Variants in MCTP2 observed in about 807,000 individuals in gnomAD.
The protein encoded by MCTP2 is multiple C2 and transmembrane domain-containing protein 2.
A neutral mutation model predicts 111.6 loss-of-function variants in MCTP2; 132 were observed. The observed-to-expected ratio is 1.18, with a 90% confidence interval of 1.03 to 1.37. The LOEUF (loss-of-function observed/expected upper bound fraction) is 1.37, where lower values mean the gene tolerates loss of function less well. Ranked by LOEUF, MCTP2 falls within the 40% of genes most tolerant of loss-of-function variation. The pLI, the probability that MCTP2 is intolerant of heterozygous loss-of-function variation, is 0.00. For missense variants in MCTP2, 1,183 were observed against 1,067.9 expected, an observed-to-expected ratio of 1.11 and a Z score of -1.50; for synonymous variants, 395 against 387.7, an observed-to-expected ratio of 1.02 and a Z score of -0.22.
At chr15:94,344,499 A>G (rs1172341005) in intron 7 of MCTP2, among the ~76,000 whole-genome samples, 2 of 152,190 alleles carry the variant, frequency 1.3e-5, no homozygotes, top group Non-Finnish European at 2.9e-5. Flanking sequence ...CTTGGAGAGA[A>G]TTTGTAGACC....
At chr15:94,403,484 TGAG>T (rs1391259566) in intron 17 of MCTP2, among the ~76,000 whole-genome samples, 1 of 152,252 alleles carries the variant, frequency 6.6e-6, no homozygotes, top group Non-Finnish European at 1.5e-5. Flanking sequence ...ACAGCCACTG[TGAG>T]GAGGAGAGGA....
intron 4 of MCTP2, among the ~76,000 whole-genome samples, chr15:94,336,676 C>CATATATATATAT (rs10644556): frequency 1.4e-5 from 2 of 146,666 alleles, no homozygotes; most frequent in African/African-American, 5.0e-5. Context: ...TTTTGCTTAG[C>CATATATATATAT]ATATATATAT....
At chr15:94,346,669 C>T (rs1398609571) in intron 8 of MCTP2, among the ~76,000 whole-genome samples, 1 of 152,152 alleles carries the variant, frequency 6.6e-6, no homozygotes, top group Admixed American at 6.5e-5. Context: ...TGTGGAAGAG[C>T]ACTGGCAGTT....
At chr15:94,329,478 A>T (rs903096169) in intron 4 of MCTP2, among the ~76,000 whole-genome samples, 3 of 152,184 alleles carry the variant, frequency 2.0e-5, no homozygotes, top group African/African-American at 7.2e-5. Flanking sequence ...GCTTAGAATC[A>T]TGGCTTCCAG....
Position 94,398,999 on chromosome 15 carries a change from TA to T in MCTP2, c.1830del (p.Asp611IlefsTer2). 6.4e-7 allele frequency: 1 copy of T among 1,565,232 alleles called. No individual in the cohort carries two copies. The highest frequency in any genetic ancestry group is 8.8e-7 in the Non-Finnish European group (1 of 1,136,038). ...AACCGAATTGTTATGTACTAAAGAA[TA>T]AAGATTTAGAACAAGCTTTTAAAGG... Reference protein sequence around the residue: ...GQPNCYVLKNKDLEQAFKGVI... With the variant: ...GQPNCYVLKNXDLEQAFKGVI... On this transcript the variant is annotated frameshift_variant, in exon 15 of 23. Coordinates refer to ENST00000357742, the MANE Select transcript of MCTP2 (RefSeq NM_001385001.1). LOFTEE classifies it high-confidence loss of function.
intron 7 of MCTP2, among the ~76,000 whole-genome samples, chr15:94,344,251 AT>A: frequency 6.6e-6 from 1 of 152,312 alleles, no homozygotes; most frequent in East Asian, 1.9e-4. Context: ...TCCCCTGAAG[AT>A]TATTAATTTT....
At chr15:94,297,275 C>T (rs1430926088) in intron 1 of MCTP2, among the ~76,000 whole-genome samples, 2 of 152,194 alleles carry the variant, frequency 1.3e-5, no homozygotes, top group African/African-American at 4.8e-5. Context: ...CTTTCCTCCA[C>T]AGCATTTACC....
intron 4 of MCTP2, among the ~76,000 whole-genome samples, chr15:94,334,253 A>G (rs1019055593): frequency 2.0e-5 from 3 of 152,252 alleles, no homozygotes; most frequent in Admixed American, 2.0e-4. Context: ...ATATTACGGC[A>G]TAAGGAAGCT....
At chr15:94,453,900 G>A (rs1366950813) in intron 19 of MCTP2, among the ~76,000 whole-genome samples, 8 of 152,078 alleles carry the variant, frequency 5.3e-5, no homozygotes, top group Non-Finnish European at 8.8e-5. Context: ...TTATTTTAAT[G>A]CATACAGCTA....
intron 12 of MCTP2, among the ~76,000 whole-genome samples, chr15:94,373,776 GT>G (rs2079608840): frequency 6.6e-6 from 1 of 152,156 alleles, no homozygotes; most frequent in Non-Finnish European, 1.5e-5. Flanking sequence ...CCTGTCAAAT[GT>G]TTTTTAAAGA....
intron 14 of MCTP2, among the ~76,000 whole-genome samples, chr15:94,394,646 T>C (rs2081187777): frequency 6.6e-6 from 1 of 151,948 alleles, no homozygotes; most frequent in Non-Finnish European, 1.5e-5. Flanking sequence ...GTGCCTGTAG[T>C]CCTAGCTACT....
chr15:94,437,334 AAAAG>A (rs1210194497), intron 17 of MCTP2, among the ~76,000 whole-genome samples: 4 of 152,002 alleles, frequency 2.6e-5, no homozygotes, highest in East Asian at 1.9e-4. Context: ...GAATATATAA[AAAAG>A]AAAGAATGTG....
intron 1 of MCTP2, among the ~76,000 whole-genome samples, chr15:94,240,831 C>T (rs771700905): frequency 5.9e-5 from 9 of 152,126 alleles, no homozygotes; most frequent in African/African-American, 9.7e-5. Context: ...CCTAAGTGTT[C>T]ATGTGAGAAC....
chr15:94,402,085 A>G lies in MCTP2; in HGVS notation c.2085+66A>G, dbSNP rs1267643870. 1.3e-5 allele frequency: 21 copies of G among 1,573,792 alleles called. No homozygotes were observed. The Admixed American group carries it at 3.3e-4, about 25-fold the overall frequency. On this transcript the variant is annotated intron_variant, in intron 17 of 22. Transcript: ENST00000357742. Reference sequence around the variant, plus strand: ...TTGCATCTATTCATCTTTCTGAAATATATTACAGCGTAGGTGATTACGTGG... The same window carrying G: ...TTGCATCTATTCATCTTTCTGAAATGTATTACAGCGTAGGTGATTACGTGG...
rs944173849 is a variant in MCTP2, at chr15:94,402,680, C to A, written c.2085+661C>A. On this transcript the variant is annotated intron_variant, in intron 17 of 22. Transcript: ENST00000357742. ...GGCCTCATGCCTTCACTTTATATCT[C>A]AGGGCATTTTCTCTCATTTGTAAAG... 3.1e-5 allele frequency: 46 copies of A among 1,487,914 alleles called. No homozygotes were observed. The Admixed American group carries it at 1.1e-3, about 35-fold the overall frequency. 92.2% of individuals were successfully genotyped at this position (1,487,914 alleles called of 1,614,324 possible).
At chr15:94,323,817 C>T (rs2076730982) in intron 4 of MCTP2, among the ~76,000 whole-genome samples, 2 of 152,150 alleles carry the variant, frequency 1.3e-5, no homozygotes, top group Admixed American at 6.6e-5. Flanking sequence ...GTGTTGTGTT[C>T]ATCTGACCCT....
In MCTP2 at chr15:94,323,895, G is replaced by A. The variant is rs183188414; in HGVS notation, c.637+8258G>A. On this transcript the variant is annotated intron_variant, in intron 4 of 22. Coordinates refer to ENST00000357742, the MANE Select transcript of MCTP2 (RefSeq NM_001385001.1). ...CTACTCTCCTTTTCTTCATCCTAAC[G>A]TTTTCCTTTTATTTCCTTATATTCC... 2.0e-4 allele frequency among the ~76,000 whole-genome samples: 30 copies of A among 151,936 alleles called. No homozygotes were observed. In the East Asian group the frequency reaches 2.7e-3, roughly 14 times the overall value.
intron 21 of MCTP2, among the ~76,000 whole-genome samples, chr15:94,472,355 C>T (rs1224656952): frequency 6.6e-6 from 1 of 152,130 alleles, no homozygotes; most frequent in Non-Finnish European, 1.5e-5. Context: ...CCAGCCTGGG[C>T]AACAGAACAA....
At chr15:94,415,576 A>G (rs149629483) in intron 17 of MCTP2, among the ~76,000 whole-genome samples, 2,529 of 152,164 alleles carry the variant, frequency 0.017, 31 homozygotes, top group Non-Finnish European at 0.025. Context: ...CTTTTAGGTT[A>G]TTATTTCAGC....
Sources: gnomAD v4.1 joint callset for allele counts (sites outside exome capture counted in the v4.1 genomes callset) on GRCh38, gnomAD v4.1.1 for gene constraint, MANE v1.5 for transcripts, NCBI Gene and HGNC (gene_info 2026-07-23, HGNC 2026-07-21) for gene names.